Variants in STAC observed in about 807,000 individuals in gnomAD.
STAC encodes the protein SH3 and cysteine rich domain, also known as SH3 and cysteine-rich domain-containing protein.
STAC carries 43 observed loss-of-function variants against 48.8 expected under a neutral mutation model. The observed-to-expected ratio is 0.88, with a 90% CI of 0.69 to 1.14. The LOEUF is 1.14. Among genes scored for constraint, STAC ranks in the 50% most tolerant of loss-of-function variants. The pLI, the probability that STAC is intolerant of heterozygous loss-of-function variation, is 0.00. For synonymous variants in STAC, 193 were observed against 179.5 expected, an observed-to-expected ratio of 1.07 and a Z score of -0.60; for missense variants, 497 against 504.0, an observed-to-expected ratio of 0.99 and a Z score of 0.13.
At chr3:36,424,882 GAATAAATA>G (rs952555431) in intron 1 of STAC, among the ~76,000 whole-genome samples, 1 of 151,808 alleles carries the variant, frequency 6.6e-6, no homozygotes, top group African/African-American at 2.4e-5. Flanking sequence ...ATAACTTAAT[GAATAAATA>G]AATAAATAAA....
At chr3:36,514,982 G>A (rs1698636607) in intron 8 of STAC, among the ~76,000 whole-genome samples, 1 of 151,810 alleles carries the variant, frequency 6.6e-6, no homozygotes, top group African/African-American at 2.4e-5. Flanking sequence ...AGGTTGCAGT[G>A]AGCCAAGATC....
At chr3:36,396,339 ATAT>A (rs1278891680) in intron 1 of STAC, among the ~76,000 whole-genome samples, 1 of 152,178 alleles carries the variant, frequency 6.6e-6, no homozygotes, top group Non-Finnish European at 1.5e-5. Context: ...TGGAAAAATA[ATAT>A]TATAAAAAAT....
chr3:36,381,024 G>GT lies in STAC; in HGVS notation c.111+278dup, dbSNP rs376497134. 1.3e-3 allele frequency among the ~76,000 whole-genome samples: 200 copies of GT among 151,928 alleles called. 3 individuals carry two copies. Among genetic ancestry groups the GT allele is most frequent in the South Asian group, 1.3e-3 (6 of 4,790 alleles). ...CGATTTCTTGCGGGGTGGTAGCTTG[G>GT]TTTTTTTTGTGCTTTGAACCTGCTT... On this transcript the variant is annotated intron_variant, in intron 1 of 10. Coordinates refer to ENST00000273183, the MANE Select transcript of STAC (RefSeq NM_003149.3).
In STAC at chr3:36,380,848, G is replaced by T. The variant is rs546648632; in HGVS notation, c.111+94G>T. 39 of 1,002,936 alleles carry T rather than the reference G, an allele frequency of 3.9e-5. No homozygotes were observed. In the South Asian group the frequency reaches 6.0e-4, roughly 15 times the overall value. The allele number at this position is 1,002,936 out of a possible 1,614,324, so 62.1% of individuals were successfully genotyped here. A position where few individuals can be genotyped will look rare whatever the true frequency, so the allele number is the denominator to read the frequency against. ...CTCCTCCTATCTAGCACGGGCGTGG[G>T]GGTCTGAGACTTGCTAGTTAGCCCA... On this transcript the variant is annotated intron_variant, in intron 1 of 10. Transcript: ENST00000273183.
At chr3:36,395,365 C>T (rs2125620479) in intron 1 of STAC, among the ~76,000 whole-genome samples, 1 of 152,246 alleles carries the variant, frequency 6.6e-6, no homozygotes, top group Non-Finnish European at 1.5e-5. Flanking sequence ...GTAGTCCAGT[C>T]TTTAAAAGAT....
Position 36,380,717 on chromosome 3 carries a change from C to G in STAC, c.74C>G (p.Pro25Arg). The G allele has an allele frequency of 6.2e-7, 1 of 1,611,984 alleles. No homozygotes were observed. The highest frequency in any genetic ancestry group is 2.2e-5 in the East Asian group (1 of 44,800). The change falls in exon 1 of 11, where the codon CCG (proline) becomes CGG (arginine). Residue 25 changes from proline to arginine, a missense_variant. By Grantham distance (103) the Pro-to-Arg change is moderately radical. Transcript: ENST00000273183. ...AAGGAGGCGGTGGGCGCCGAGCAACCGCCCTCTCCTGCATCCACCAGCAGC... is the reference window on the plus strand; with the variant it reads ...AAGGAGGCGGTGGGCGCCGAGCAACGGCCCTCTCCTGCATCCACCAGCAGC... ...LPKEAVGAEQ[P>R]PSPASTSSQE...
intron 5 of STAC, among the ~76,000 whole-genome samples, chr3:36,488,248 C>T (rs756885947): frequency 3.3e-5 from 5 of 152,128 alleles, no homozygotes; most frequent in African/African-American, 1.2e-4. Context: ...ATTTTCATTA[C>T]GCATCTAGCC....
chr3:36,411,203 C>T (rs1452354219), intron 1 of STAC, among the ~76,000 whole-genome samples: 1 of 152,170 alleles, frequency 6.6e-6, no homozygotes, highest in Non-Finnish European at 1.5e-5. Context: ...CACTTCTTAC[C>T]ATGTCCACTG....
intron 7 of STAC, 67 bp from the exon 8 acceptor site, chr3:36,505,679 T>C: frequency 9.1e-7 from 1 of 1,100,748 alleles, no homozygotes; most frequent in Non-Finnish European, 1.3e-6. Flanking sequence ...ATTTCCTGTT[T>C]TCTTTCTTTC....
At chr3:36,429,939 G>T (rs911783641) in intron 1 of STAC, among the ~76,000 whole-genome samples, 1 of 152,226 alleles carries the variant, frequency 6.6e-6, no homozygotes, top group Non-Finnish European at 1.5e-5. Context: ...TTGGAGAGGA[G>T]AGATGAATAC....
At position 36,463,541 on chromosome 3, in the gene STAC, G is replaced by A. The variant is rs368514333; in HGVS notation, c.389-19451G>A. ...TTTTTTAATTATACTTTAAGTTTTC[G>A]GGTACATGTATGTGCACATCGTGCA... is the stretch of plus-strand genomic sequence containing the variant. On this transcript the variant is annotated intron_variant, in intron 2 of 10. Coordinates refer to ENST00000273183, the MANE Select transcript of STAC (RefSeq NM_003149.3). Among the ~76,000 whole-genome samples, 53 of 148,972 alleles carry A rather than the reference G, an allele frequency of 3.6e-4. No individual in the cohort carries two copies. In the East Asian group the frequency reaches 7.9e-3, roughly 22 times the overall value.
intron 2 of STAC, among the ~76,000 whole-genome samples, chr3:36,482,267 A>G (rs1469296381): frequency 3.2e-4 from 48 of 152,106 alleles, no homozygotes; most frequent in Admixed American, 3.1e-3. Flanking sequence ...TGAAGCCCCC[A>G]CACCCTGCCC....
At chr3:36,386,596 G>A in intron 1 of STAC, among the ~76,000 whole-genome samples, 1 of 151,914 alleles carries the variant, frequency 6.6e-6, no homozygotes, top group East Asian at 1.9e-4. Context: ...TTCACAGGTG[G>A]ATTTACAATT....
At chr3:36,491,898 TG>T (rs1417482627) in intron 5 of STAC, among the ~76,000 whole-genome samples, 1 of 144,864 alleles carries the variant, frequency 6.9e-6, no homozygotes, top group East Asian at 2.1e-4. Flanking sequence ...CCTGTAATCC[TG>T]GCTACTTGAG....
rs901508872 is a variant in STAC at position 36,443,850 on chromosome 3, G to A, written c.388+210G>A. Among the ~76,000 whole-genome samples, 2 of 152,320 alleles carry A rather than the reference G, an allele frequency of 1.3e-5. No individual in the cohort carries two copies. Among genetic ancestry groups the A allele is most frequent in the Non-Finnish European group, 2.9e-5 (2 of 68,034 alleles). On this transcript the variant is annotated intron_variant, in intron 2 of 10. Coordinates refer to ENST00000273183, the MANE Select transcript of STAC (RefSeq NM_003149.3). The surrounding 1 kb of genome is among the most constrained non-coding windows in gnomAD (Gnocchi z 4.2). ...GTGGGAGAAGTTGGGTTGTGATATAGTTGTAATCAGGACTTCAGCTGATCC... is the reference window on the plus strand; with the variant it reads ...GTGGGAGAAGTTGGGTTGTGATATAATTGTAATCAGGACTTCAGCTGATCC...
chr3:36,476,227 C>A (rs1697490233), intron 2 of STAC, among the ~76,000 whole-genome samples: 1 of 152,178 alleles, frequency 6.6e-6, no homozygotes, highest in South Asian at 2.1e-4. Context: ...GGTAAAGAAA[C>A]CACCATTTCA....
Position 36,499,321 on chromosome 3 carries a change from T to A in STAC, c.767-5072T>A, listed in dbSNP as rs768707519. Among the ~76,000 whole-genome samples, 3 of 152,298 alleles carry A rather than the reference T, an allele frequency of 2.0e-5. No individual in the cohort carries two copies. In the South Asian group the frequency reaches 6.2e-4, roughly 32 times the overall value. On this transcript the variant is annotated intron_variant, in intron 6 of 10. Coordinates refer to ENST00000273183, the MANE Select transcript of STAC (RefSeq NM_003149.3). ...GTTGTTAATAAAACATTAGCTGAAA[T>A]ACTGACTTTATGTGGGAAATGGGCA...
chr3:36,445,937 C>T (rs1160490209), intron 2 of STAC, among the ~76,000 whole-genome samples: 1 of 152,204 alleles, frequency 6.6e-6, no homozygotes, highest in South Asian at 2.1e-4. Context: ...TTTACAAGGA[C>T]TCACATTTGC....
intron 2 of STAC, among the ~76,000 whole-genome samples, chr3:36,444,320 C>G (rs548121594): frequency 3.3e-5 from 5 of 152,274 alleles, no homozygotes. Context: ...AAAAGCCACC[C>G]TAAAAAGTAG....
Sources: allele counts gnomAD v4.1 joint callset (sites outside exome capture counted in the v4.1 genomes callset), GRCh38; gene constraint gnomAD v4.1.1; non-coding constraint Gnocchi (gnomAD v3.1); transcripts MANE v1.5; gene names NCBI Gene and HGNC (gene_info 2026-07-23, HGNC 2026-07-21).